Variants in BDH1 observed in about 807,000 individuals in gnomAD.
BDH1 encodes D-beta-hydroxybutyrate dehydrogenase, mitochondrial.
BDH1 carries 30 observed loss-of-function variants against 33.1 expected under a neutral mutation model. The observed-to-expected ratio is 0.91, with a 90% confidence interval of 0.68 to 1.23. BDH1 has a LOEUF of 1.23. Ranked by LOEUF, BDH1 falls within the 50% of genes most tolerant of loss-of-function variation. The pLI, the probability that BDH1 is intolerant of heterozygous loss-of-function variation, is 0.00. For synonymous variants in BDH1, 190 were observed against 183.6 expected, an observed-to-expected ratio of 1.03 and a Z score of -0.28; for missense variants, 443 against 464.4, an observed-to-expected ratio of 0.95 and a Z score of 0.42.
upstream of BDH1, among the ~76,000 whole-genome samples, chr3:197,556,842 G>A (rs1425729313): frequency 6.6e-6 from 1 of 152,166 alleles, no homozygotes; most frequent in Non-Finnish European, 1.5e-5. Context: ...CAGTTTCCAG[G>A]ATGAGAAACA....
chr3:197,564,910 G>A (rs758235743), intron 1 of BDH1, among the ~76,000 whole-genome samples: 26 of 152,086 alleles, frequency 1.7e-4, no homozygotes, highest in Non-Finnish European at 3.1e-4. Flanking sequence ...GCTTCCTGCT[G>A]TGTTTTGTTT....
intron 2 of BDH1, among the ~76,000 whole-genome samples, chr3:197,551,951 T>C (rs1320389219): frequency 9.2e-5 from 14 of 152,210 alleles, no homozygotes; most frequent in Admixed American, 9.2e-4. Context: ...CTCAGGACTC[T>C]GTTCTTGGTC....
chr3:197,534,921 A>G (rs1413692737), intron 3 of BDH1, among the ~76,000 whole-genome samples: 2 of 152,196 alleles, frequency 1.3e-5, no homozygotes, highest in African/African-American at 4.8e-5. Context: ...TGGCTTACCA[A>G]CAACAGACTT....
At chr3:197,547,708 C>T (rs758566331) in intron 2 of BDH1, among the ~76,000 whole-genome samples, 8 of 152,238 alleles carry the variant, frequency 5.3e-5, no homozygotes, top group Admixed American at 1.3e-4. Context: ...TTTCCATGCC[C>T]GTGGGGGCTG....
intron 5 of BDH1, among the ~76,000 whole-genome samples, chr3:197,527,139 G>A (rs553059140): frequency 2.6e-5 from 4 of 152,328 alleles, no homozygotes; most frequent in South Asian, 2.1e-4. Context: ...CATGTTATAC[G>A]TCAGCATCTT....
intron 1 of BDH1, among the ~76,000 whole-genome samples, chr3:197,570,572 C>G (rs1466757295): frequency 6.6e-6 from 1 of 152,210 alleles, no homozygotes; most frequent in Non-Finnish European, 1.5e-5. Flanking sequence ...CTAGCCATGG[C>G]TAAAAGGTGC....
upstream of BDH1, among the ~76,000 whole-genome samples, chr3:197,559,391 G>A (rs1156284437): frequency 1.3e-5 from 2 of 152,202 alleles, no homozygotes; most frequent in African/African-American, 2.4e-5. Flanking sequence ...TATCCCCTGT[G>A]AGATTTGTTC....
chr3:197,515,123 A>C (rs1275042884), intron 6 of BDH1, among the ~76,000 whole-genome samples: 1 of 152,222 alleles, frequency 6.6e-6, no homozygotes, highest in East Asian at 1.9e-4. Flanking sequence ...TTTCCAAGTT[A>C]ATCATGGAAA....
At chr3:197,559,304 C>T (rs1045250463), upstream of BDH1, among the ~76,000 whole-genome samples, 1 of 152,112 alleles carries the variant, frequency 6.6e-6, no homozygotes, top group Non-Finnish European at 1.5e-5. Flanking sequence ...TCAGCTTCAA[C>T]TGAACTTTAA....
chr3:197,532,638 C>T (rs1474725784), intron 4 of BDH1, 116 bp from the exon 5 acceptor site: 4 of 697,662 alleles, frequency 5.7e-6, no homozygotes, highest in African/African-American at 5.3e-5. Flanking sequence ...CCAAGCCTGG[C>T]CCTCCCTACC....
rs1438147839 is a variant in BDH1 at position 197,514,946 on chromosome 3, G to C, written c.410-530C>G. 6.6e-6 allele frequency among the ~76,000 whole-genome samples: 1 copy of C among 152,212 alleles called. No homozygotes were observed. Among genetic ancestry groups the C allele is most frequent in the Non-Finnish European group, 1.5e-5 (1 of 68,046 alleles). Reference sequence around the variant, plus strand: ...GTTTGTTGGGGTGCAAAGGCTGGATGGGTCAGAGCCTCAGGACAGAGCTGG... The same window carrying C: ...GTTTGTTGGGGTGCAAAGGCTGGATCGGTCAGAGCCTCAGGACAGAGCTGG... On this transcript the variant is annotated intron_variant, in intron 6 of 7. Transcript: ENST00000392379. The surrounding 1 kb of genome is among the most constrained non-coding windows in gnomAD (Gnocchi z 4.2).
At chr3:197,519,613 G>A (rs1000294557) in intron 6 of BDH1, among the ~76,000 whole-genome samples, 6 of 152,032 alleles carry the variant, frequency 3.9e-5, no homozygotes, top group African/African-American at 1.2e-4. Context: ...TCAGTGAGCC[G>A]AGATCGCACC....
chr3:197,562,951 C>T (rs1717315145), intron 1 of BDH1, among the ~76,000 whole-genome samples: 1 of 152,132 alleles, frequency 6.6e-6, no homozygotes. Flanking sequence ...AGTTCCTAGT[C>T]CGTTTTTCTC....
At position 197,521,000 on chromosome 3, in the gene BDH1, C is replaced by A. The variant is rs1322138476; in HGVS notation, c.409+1640G>T. The stretch of plus-strand genomic sequence containing the variant: ...GCGGCATCACCGACAGCCACACACG[C>A]AGCCTCTGAGGCAGCTGCTGTGACA... On this transcript the variant is annotated intron_variant, in intron 6 of 7. Coordinates refer to ENST00000392379, the MANE Select transcript of BDH1 (RefSeq NM_203314.3). The surrounding 1 kb of genome is among the most constrained non-coding windows in gnomAD (Gnocchi z 6.0). Among the ~76,000 whole-genome samples, 1 of 152,188 alleles carries A rather than the reference C, an allele frequency of 6.6e-6. No individual in the cohort carries two copies. The highest frequency in any genetic ancestry group is 1.9e-4 in the East Asian group (1 of 5,192).
At chr3:197,558,256 T>C (rs1717141711), upstream of BDH1, among the ~76,000 whole-genome samples, 1 of 152,220 alleles carries the variant, frequency 6.6e-6, no homozygotes, top group Non-Finnish European at 1.5e-5. Flanking sequence ...CACTGCAACC[T>C]GGGACCCTTG....
chr3:197,537,052 G>C (rs1228454002), intron 3 of BDH1, among the ~76,000 whole-genome samples: 1 of 152,164 alleles, frequency 6.6e-6, no homozygotes, highest in African/African-American at 2.4e-5. Flanking sequence ...GCGGTAGCAT[G>C]ATCTCGGCTC....
At chr3:197,530,846 A>G (rs1714575394) in intron 5 of BDH1, 1 of 152,646 alleles carries the variant, frequency 6.6e-6, no homozygotes, top group African/African-American at 2.4e-5. Flanking sequence ...CAATATGCAA[A>G]CACTTGTGTA....
At chr3:197,533,403 C>G in intron 4 of BDH1, 86 bp downstream of exon 4, 1 of 1,405,884 alleles carries the variant, frequency 7.1e-7, no homozygotes, top group Non-Finnish European at 1.0e-6. Flanking sequence ...TAAGGCCCCA[C>G]TCTGAGGGTA....
chr3:197,548,726 C>T (rs542164810), intron 2 of BDH1, among the ~76,000 whole-genome samples: 1 of 152,194 alleles, frequency 6.6e-6, no homozygotes, highest in African/African-American at 2.4e-5. Context: ...TGGCGGGCGC[C>T]CACAGTCCCA....
Sources: gnomAD v4.1 joint callset for allele counts (sites outside exome capture counted in the v4.1 genomes callset) on GRCh38, gnomAD v4.1.1 for gene constraint, Gnocchi (gnomAD v3.1) non-coding constraint, MANE v1.5 for transcripts, NCBI Gene and HGNC (gene_info 2026-07-23, HGNC 2026-07-21) for gene names.